The following UNCX variants were observed in gnomAD, a reference collection of about 807,000 sequenced individuals.
The protein encoded by UNCX is UNC homeobox, also known as homeobox protein unc-4 homolog.
UNCX carries 4 observed loss-of-function variants against 14.8 expected under a neutral mutation model. The ratio of observed to expected loss-of-function variants is 0.27; its 90% confidence interval spans 0.13 to 0.62. UNCX has a LOEUF of 0.62. Among genes scored for constraint, UNCX ranks in the 20% least tolerant of loss-of-function variants. The pLI is 0.86. For missense variants in UNCX, 749 were observed against 786.8 expected (o/e 0.95, Z 0.58); for synonymous variants, 459 against 395.8 (o/e 1.16, Z -1.90).
chr7:1,236,808 G>A lies in UNCX; in HGVS notation c.1427G>A (p.Cys476Tyr). 1 of 987,198 alleles carries A rather than the reference G, an allele frequency of 1.0e-6. No homozygotes were observed. Among genetic ancestry groups the A allele is most frequent in the Non-Finnish European group, 1.2e-6 (1 of 832,756 alleles). The allele number at this position is 987,198 out of a possible 1,614,324, so 61.2% of individuals were successfully genotyped here. Residue 476 changes from cysteine (C) to tyrosine (Y), a missense_variant, in exon 3 of 3, where the codon TGC (cysteine) becomes TAC (tyrosine). By Grantham distance (194) the Cys-to-Tyr change is radical. Transcript: ENST00000316333. The surrounding 1 kb of genome is among the most constrained non-coding windows in gnomAD (Gnocchi z 6.9). ...AAATEGGGGDCADAGTAGPAP... is the reference protein window; with the variant it reads ...AAATEGGGGDYADAGTAGPAP... ...GCTACCGAGGGCGGCGGCGGGGACT[G>A]CGCGGACGCGGGGACCGCCGGCCCC... is the stretch of plus-strand genomic sequence containing the variant.
At position 1,237,084 on chromosome 7, in the gene UNCX, CT is replaced by C. The variant is rs1778763406; in HGVS notation, c.*111del. On this transcript the variant is annotated 3_prime_UTR_variant, in exon 3 of 3. Transcript: ENST00000316333. This position sits in a 1 kb window ranked among gnomAD's most constrained non-coding sequence, Gnocchi z 5.8. ...GGCTCTAGAAACACTGCTTTCCCTT[CT>C]TTTCTTTTGTTTTCTTTCTTTTATT... 1.1e-6 allele frequency: 1 copy of C among 908,936 alleles called. No individual in the cohort carries two copies. The highest frequency in any genetic ancestry group is 5.8e-5 in the Admixed American group (1 of 17,366). The allele number at this position is 908,936 out of a possible 1,614,324, so 56.3% of individuals were successfully genotyped here. A position where few individuals can be genotyped will look rare whatever the true frequency, so the allele number is the denominator to read the frequency against.
At position 1,235,920 on chromosome 7, in the gene UNCX, C is replaced by T. The variant is rs867809883; in HGVS notation, c.539C>T (p.Thr180Ile). The T allele has an allele frequency of 1.2e-6, 2 of 1,612,664 alleles. No homozygotes were observed. The highest frequency in any genetic ancestry group is 1.7e-6 in the Non-Finnish European group (2 of 1,179,728). ...CGGCCGGCGCACAACTCGCACCCGA[C>T]CACGTGCAGCGGCGAGCCCATGGAC... ...PGRPAHNSHP[T>I]TCSGEPMDPE... is the part of the protein sequence containing the mutation. The change falls in exon 3 of 3, where the codon ACC (threonine) becomes ATC (isoleucine). Residue 180 changes from threonine to isoleucine, a missense_variant. This residue lies in a region of UNCX where 42 missense variants were observed against 112.9 expected (regional missense o/e 0.37). Transcript: ENST00000316333.
chr7:1,233,967 A>G lies in UNCX; in HGVS notation c.450+272A>G, dbSNP rs1175223363. Among the ~76,000 whole-genome samples the G allele has an allele frequency of 6.6e-6, 1 of 152,156 alleles. No individual in the cohort carries two copies. The highest frequency in any genetic ancestry group is 1.5e-5 in the Non-Finnish European group (1 of 68,026). Reference sequence around the variant, plus strand: ...GAACAGCGGCTGCGTCCGAACCGGGAAGCGGCGTGGTGGGTTGGCGGAGGC... The same window carrying G: ...GAACAGCGGCTGCGTCCGAACCGGGGAGCGGCGTGGTGGGTTGGCGGAGGC... On this transcript the variant is annotated intron_variant, in intron 2 of 2. Coordinates refer to ENST00000316333, the MANE Select transcript of UNCX (RefSeq NM_001080461.3). The surrounding 1 kb of genome is among the most constrained non-coding windows in gnomAD (Gnocchi z 5.3).
chr7:1,233,114 G>C lies in UNCX; in HGVS notation c.97G>C (p.Val33Leu). 2.7e-6 allele frequency: 4 copies of C among 1,464,874 alleles called. No homozygotes were observed. Among genetic ancestry groups the C allele is most frequent in the Non-Finnish European group, 3.6e-6 (4 of 1,111,868 alleles). 90.7% of individuals were successfully genotyped at this position (1,464,874 alleles called of 1,614,324 possible). Residue 33 changes from valine to leucine, a missense_variant, in exon 1 of 3, where the codon GTG (valine) becomes CTG (leucine). This residue lies in a region of UNCX where 155 missense variants were observed against 166.7 expected (regional missense o/e 0.93). Transcript: ENST00000316333. The surrounding 1 kb of genome is among the most constrained non-coding windows in gnomAD (Gnocchi z 5.3). ...CCCCTACCCGCTGGGCCACCACCACGTGTACGAGCTGGCCGGGCACCAGCT... is the reference window on the plus strand; with the variant it reads ...CCCCTACCCGCTGGGCCACCACCACCTGTACGAGCTGGCCGGGCACCAGCT... ...GFPYPLGHHHVYELAGHQLQS... is the reference protein window; with the variant it reads ...GFPYPLGHHHLYELAGHQLQS...
chr7:1,236,346 G>A lies in UNCX; in HGVS notation c.965G>A (p.Gly322Asp). 2 of 1,299,842 alleles carry A rather than the reference G, an allele frequency of 1.5e-6. No homozygotes were observed. The highest frequency in any genetic ancestry group is 2.0e-6 in the Non-Finnish European group (2 of 1,023,422). The allele number at this position is 1,299,842 out of a possible 1,614,324, so 80.5% of individuals were successfully genotyped here. Residue 322 changes from glycine to aspartate, a missense_variant, in exon 3 of 3, where the codon GGC becomes GAC. By Grantham distance (94) the Gly-to-Asp change is moderately conservative. This residue lies in a region of UNCX where 552 missense variants were observed against 507.2 expected (regional missense o/e 1.09). Transcript: ENST00000316333. The surrounding 1 kb of genome is among the most constrained non-coding windows in gnomAD (Gnocchi z 6.9). ...PGAAVAAVER[G>D]AAGLPKASPF... The stretch of plus-strand genomic sequence containing the variant: ...GCCGCTGTGGCGGCGGTGGAGCGCG[G>A]CGCCGCGGGGCTGCCCAAGGCCAGC...
chr7:1,235,606 C>G lies in UNCX; in HGVS notation c.451-226C>G, dbSNP rs563841356. On this transcript the variant is annotated intron_variant, in intron 2 of 2. Coordinates refer to ENST00000316333, the MANE Select transcript of UNCX (RefSeq NM_001080461.3). ...TGAGAAGCCAGAGCGGGAAGCTGGC[C>G]GAGAGGCCCCGTCTACGCGCCTTCC... is the stretch of plus-strand genomic sequence containing the variant. Among the ~76,000 whole-genome samples the G allele has an allele frequency of 9.2e-5, 14 of 152,384 alleles. No individual in the cohort carries two copies. In the South Asian group the frequency reaches 2.9e-3, roughly 32 times the overall value.
In UNCX at chr7:1,232,933, G is replaced by A. The variant is rs1778668424; in HGVS notation, c.-85G>A. On this transcript the variant is annotated 5_prime_UTR_variant, in exon 1 of 3. Transcript: ENST00000316333. ...CCGGGTCCCTGTCTCCGCCGCCGCCGCCCGCGCCTCCCGCCGCTGGCCCGC... is the reference window on the plus strand; with the variant it reads ...CCGGGTCCCTGTCTCCGCCGCCGCCACCCGCGCCTCCCGCCGCTGGCCCGC... 2 of 705,992 alleles carry A rather than the reference G, an allele frequency of 2.8e-6. No individual in the cohort carries two copies. The highest frequency in any genetic ancestry group is 3.5e-6 in the Non-Finnish European group (2 of 577,796). 43.7% of individuals were successfully genotyped at this position (705,992 alleles called of 1,614,324 possible). A position where few individuals can be genotyped will look rare whatever the true frequency, so the allele number is the denominator to read the frequency against.
chr7:1,235,700 G>A (rs1172842993), intron 2 of UNCX, 132 bp from the exon 3 acceptor site: 4 of 795,638 alleles, frequency 5.0e-6, no homozygotes, highest in Admixed American at 3.0e-5. Flanking sequence ...CCGCTCGGCC[G>A]CGCGGCTTCA....
At position 1,233,524 on chromosome 7, in the gene UNCX, G is replaced by C. The variant is rs1214941835; in HGVS notation, c.279G>C (p.Ser93=). The C allele has an allele frequency of 5.3e-5, 86 of 1,610,360 alleles. 1 individual carries two copies. The Admixed American group carries it at 1.4e-3, about 27-fold the overall frequency. Residue 93 remains serine (S), a synonymous_variant, in exon 2 of 3, where the codon TCG becomes TCC. Transcript: ENST00000316333. The surrounding 1 kb of genome is among the most constrained non-coding windows in gnomAD (Gnocchi z 5.3). ...GCGTCCTGTGACTGCCCGCAGACTC[G>C]GGGGACCCGGACAAGGAGAGCCCGG... ...GDGQPFKLSD[S]GDPDKESPGC...
Position 1,236,113 on chromosome 7 carries a change from G to A in UNCX, c.732G>A (p.Pro244=), listed in dbSNP as rs1778734945. Residue 244 remains proline (P), a synonymous_variant, in exon 3 of 3, where the codon CCG becomes CCA. Coordinates refer to ENST00000316333, the MANE Select transcript of UNCX (RefSeq NM_001080461.3). This position sits in a 1 kb window ranked among gnomAD's most constrained non-coding sequence, Gnocchi z 6.9. Reference sequence around the variant, plus strand: ...ACAGCGGCGGCGGCGGCCTGTCTCCGGAGCCGCCCGAGCCGCCGCCGCCCG... The same window carrying A: ...ACAGCGGCGGCGGCGGCCTGTCTCCAGAGCCGCCCGAGCCGCCGCCGCCCG... The part of the protein sequence containing the change: ...DSDSGGGGLS[P]EPPEPPPPAA... The A allele has an allele frequency of 4.3e-6, 6 of 1,386,952 alleles. No individual in the cohort carries two copies. The highest frequency in any genetic ancestry group is 3.4e-5 in the South Asian group (2 of 59,374). 85.9% of individuals were successfully genotyped at this position (1,386,952 alleles called of 1,614,324 possible).
At position 1,236,430 on chromosome 7, in the gene UNCX, ACGCCGC is replaced by A. The variant is rs768648477; in HGVS notation, c.1065_1070del (p.Ala356_Ala357del). 3.8e-5 allele frequency: 52 copies of A among 1,356,866 alleles called. No homozygotes were observed. The highest frequency in any genetic ancestry group is 3.8e-4 in the African/African-American group (24 of 62,826). The allele number at this position is 1,356,866 out of a possible 1,614,324, so 84.1% of individuals were successfully genotyped here. ...CCGCCGCGCCGGAAAGCCGCTTCCA[ACGCCGC>A]CGCCGCCGCCGCCGCGGGGCTGGAC... On this transcript the variant is annotated inframe_deletion, in exon 3 of 3. Coordinates refer to ENST00000316333, the MANE Select transcript of UNCX (RefSeq NM_001080461.3). This position sits in a 1 kb window ranked among gnomAD's most constrained non-coding sequence, Gnocchi z 6.9.
Position 1,236,792 on chromosome 7 carries a change from G to A in UNCX, c.1411G>A (p.Gly471Ser), listed in dbSNP as rs1354064774. The change falls in exon 3 of 3, where the codon GGC (glycine) becomes AGC (serine). Residue 471 changes from glycine (G) to serine (S), a missense_variant. Transcript: ENST00000316333. This position sits in a 1 kb window ranked among gnomAD's most constrained non-coding sequence, Gnocchi z 6.9. ...RDLASAAATE[G>S]GGGDCADAGT... is the part of the protein sequence containing the mutation. ...CCTCGCCTCGGCAGCGGCTACCGAG[G>A]GCGGCGGCGGGGACTGCGCGGACGC... The A allele has an allele frequency of 7.1e-6, 7 of 986,798 alleles. No individual in the cohort carries two copies. The highest frequency in any genetic ancestry group is 5.1e-4 in the Middle Eastern group (1 of 1,948). 61.1% of individuals were successfully genotyped at this position (986,798 alleles called of 1,614,324 possible). A position where few individuals can be genotyped will look rare whatever the true frequency, so the allele number is the denominator to read the frequency against.
rs1162233513 is a variant in UNCX at position 1,233,472 on chromosome 7, G to C, written c.275-48G>C. Reference sequence around the variant, plus strand: ...TAGCGGGAGGGAGGGGTGGGGGTCGGGCCTGGGCCGGTGGCTGAGCCGCGC... The same window carrying C: ...TAGCGGGAGGGAGGGGTGGGGGTCGCGCCTGGGCCGGTGGCTGAGCCGCGC... On this transcript the variant is annotated intron_variant, in intron 1 of 2. Transcript: ENST00000316333. The surrounding 1 kb of genome is among the most constrained non-coding windows in gnomAD (Gnocchi z 5.3). The C allele has an allele frequency of 1.3e-6, 2 of 1,542,974 alleles. No homozygotes were observed.
Position 1,233,364 on chromosome 7 carries a change from G to A in UNCX, c.274+73G>A. 7.4e-7 allele frequency: 1 copy of A among 1,348,626 alleles called. No homozygotes were observed. The highest frequency in any genetic ancestry group is 1.8e-5 in the South Asian group (1 of 54,524). The allele number at this position is 1,348,626 out of a possible 1,614,324, so 83.5% of individuals were successfully genotyped here. A position where few individuals can be genotyped will look rare whatever the true frequency, so the allele number is the denominator to read the frequency against. On this transcript the variant is annotated intron_variant, in intron 1 of 2. Transcript: ENST00000316333. This position sits in a 1 kb window ranked among gnomAD's most constrained non-coding sequence, Gnocchi z 5.3. ...GGGCCCTGGTCCGGCCGAGGCGCTG[G>A]GGGGCCCGGGGCTGGCGAAGGAGAG...
At chr7:1,235,719 C>G (rs1309134052) in intron 2 of UNCX, 113 bp from the exon 3 acceptor site, 1 of 994,354 alleles carries the variant, frequency 1.0e-6, no homozygotes, top group Non-Finnish European at 1.5e-6. Context: ...CACTCCTGCC[C>G]CGGCCGAGCG....
rs768648477 is a variant in UNCX at position 1,236,430 on chromosome 7, A to ACGC, written c.1068_1070dup (p.Ala357dup). ...CCGCCGCGCCGGAAAGCCGCTTCCA[A>ACGC]CGCCGCCGCCGCCGCCGCCGCGGGG... is the stretch of plus-strand genomic sequence containing the variant. On this transcript the variant is annotated inframe_insertion, in exon 3 of 3. Transcript: ENST00000316333. This position sits in a 1 kb window ranked among gnomAD's most constrained non-coding sequence, Gnocchi z 6.9. The ACGC allele has an allele frequency of 1.2e-4, 166 of 1,357,088 alleles. No homozygotes were observed. Among genetic ancestry groups the ACGC allele is most frequent in the African/African-American group, 3.5e-4 (22 of 62,722 alleles). 84.1% of individuals were successfully genotyped at this position (1,357,088 alleles called of 1,614,324 possible).
rs1031139103 is a variant in UNCX at position 1,235,649 on chromosome 7, G to C, written c.451-183G>C. 2.6e-5 allele frequency among the ~76,000 whole-genome samples: 4 copies of C among 152,244 alleles called. No homozygotes were observed. The South Asian group carries it at 8.3e-4, about 31-fold the overall frequency. On this transcript the variant is annotated intron_variant, in intron 2 of 2. Coordinates refer to ENST00000316333, the MANE Select transcript of UNCX (RefSeq NM_001080461.3). ...CGCCTTCCGGGTGGAAAAGGCGCTC[G>C]CTGGAACCTGCAGCTCCAGTGGCAA...
rs1041052568 is a variant in UNCX at position 1,236,914 on chromosome 7, T to A, written c.1533T>A (p.Val511=). The change falls in exon 3 of 3, where the codon GTT becomes GTA. Residue 511 remains valine, a synonymous_variant. Coordinates refer to ENST00000316333, the MANE Select transcript of UNCX (RefSeq NM_001080461.3). The surrounding 1 kb of genome is among the most constrained non-coding windows in gnomAD (Gnocchi z 6.9). Reference sequence around the variant, plus strand: ...CCGAGGAGCCGGCCACCTGCGGGGTTCCCGAGCCTGGCGCGGCGGCCGGAC... The same window carrying A: ...CCGAGGAGCCGGCCACCTGCGGGGTACCCGAGCCTGGCGCGGCGGCCGGAC... ...SPAEEPATCG[V]PEPGAAAGPS... 2.6e-6 allele frequency: 3 copies of A among 1,175,336 alleles called. No individual in the cohort carries two copies. The highest frequency in any genetic ancestry group is 3.2e-6 in the Non-Finnish European group (3 of 952,034). 72.8% of individuals were successfully genotyped at this position (1,175,336 alleles called of 1,614,324 possible). A position where few individuals can be genotyped will look rare whatever the true frequency, so the allele number is the denominator to read the frequency against.
rs1007846050 is a variant in UNCX, at chr7:1,233,795, C to T, written c.450+100C>T. ...AGGTGGCGAGATATCGTCCCCTTGC[C>T]GCGGGCCCGCTTCGCGCTCGCCTGC... On this transcript the variant is annotated intron_variant, in intron 2 of 2. Coordinates refer to ENST00000316333, the MANE Select transcript of UNCX (RefSeq NM_001080461.3). This position sits in a 1 kb window ranked among gnomAD's most constrained non-coding sequence, Gnocchi z 5.3. 1.1e-5 allele frequency: 16 copies of T among 1,410,602 alleles called. No individual in the cohort carries two copies. The South Asian group carries it at 1.8e-4, about 16-fold the overall frequency. 87.4% of individuals were successfully genotyped at this position (1,410,602 alleles called of 1,614,324 possible).
Sources: allele counts gnomAD v4.1 joint callset (sites outside exome capture counted in the v4.1 genomes callset), GRCh38; gene constraint gnomAD v4.1.1; regional missense constraint gnomAD v4.1.1; non-coding constraint Gnocchi (gnomAD v3.1); transcripts MANE v1.5; gene names NCBI Gene and HGNC (gene_info 2026-07-23, HGNC 2026-07-21).